The following LRRC72 variants were observed in gnomAD, a reference collection of about 807,000 sequenced individuals.
LRRC72 encodes the protein leucine rich repeat containing 72.
A neutral mutation model predicts 35.8 loss-of-function variants in LRRC72; 41 were observed. That is an observed-to-expected ratio of 1.15 (90% CI 0.89 to 1.49). LRRC72 has a LOEUF of 1.49. Ranked by LOEUF, LRRC72 falls within the 40% of genes most tolerant of loss-of-function variation. The probability of loss-of-function intolerance (pLI) is 0.00; values close to 1 mark genes in which losing one functional copy is unlikely to be tolerated. For missense variants in LRRC72, 389 were observed against 330.7 expected (o/e 1.18, Z -1.37); for synonymous variants, 118 against 119.2 (o/e 0.99, Z 0.07).
At chr7:16,564,050 G>A (rs1782786194) in intron 5 of LRRC72, among the ~76,000 whole-genome samples, 1 of 152,188 alleles carries the variant, frequency 6.6e-6, no homozygotes, top group African/African-American at 2.4e-5. Flanking sequence ...GAAATGAAAT[G>A]AAATGGATAG....
Position 16,581,471 on chromosome 7 carries a change from C to A in LRRC72, c.846C>A (p.Leu282=). The change falls in exon 9 of 9, where the codon CTC becomes CTA. Residue 282 remains leucine (L), a synonymous_variant. Coordinates refer to ENST00000401542, the MANE Select transcript of LRRC72 (RefSeq NM_001195280.2). ...AAGGCACAGAAACAGCTCAAATGCTCACAGTTACACTGAGATAAGCCCTGG... is the reference window on the plus strand; with the variant it reads ...AAGGCACAGAAACAGCTCAAATGCTAACAGTTACACTGAGATAAGCCCTGG... The part of the protein sequence containing the change: ...EEEGTETAQM[L]TVTLR 6.5e-7 allele frequency: 1 copy of A among 1,547,416 alleles called. No homozygotes were observed. Among genetic ancestry groups the A allele is most frequent in the Non-Finnish European group, 8.7e-7 (1 of 1,145,784 alleles).
chr7:16,555,511 G>A (rs1033873669), intron 3 of LRRC72, among the ~76,000 whole-genome samples: 1 of 152,100 alleles, frequency 6.6e-6, no homozygotes, highest in African/African-American at 2.4e-5. Flanking sequence ...GGTGGCTCAC[G>A]CCTATAATCC....
chr7:16,539,208 CA>C (rs1782314104), intron 3 of LRRC72, among the ~76,000 whole-genome samples: 1 of 152,154 alleles, frequency 6.6e-6, no homozygotes, highest in African/African-American at 2.4e-5. Context: ...GAGGTGATCT[CA>C]GATGGAGATG....
chr7:16,544,813 C>A (rs1172561275), intron 3 of LRRC72, among the ~76,000 whole-genome samples: 1 of 152,142 alleles, frequency 6.6e-6, no homozygotes, highest in East Asian at 1.9e-4. Flanking sequence ...AGATGAAGAA[C>A]CTGTCTAATG....
At chr7:16,546,760 C>T (rs2128336005) in intron 3 of LRRC72, among the ~76,000 whole-genome samples, 1 of 152,206 alleles carries the variant, frequency 6.6e-6, no homozygotes, top group Non-Finnish European at 1.5e-5. Context: ...GGCTTGTCCC[C>T]AGTGCTGTTC....
At chr7:16,576,017 G>C (rs892622337) in intron 7 of LRRC72, among the ~76,000 whole-genome samples, 2 of 152,122 alleles carry the variant, frequency 1.3e-5, no homozygotes, top group Non-Finnish European at 2.9e-5. Context: ...ATCAGGAGCA[G>C]AAAAGATAGG....
At chr7:16,566,493 C>A in intron 6 of LRRC72, 91 bp downstream of exon 6, 1 of 669,436 alleles carries the variant, frequency 1.5e-6, no homozygotes, top group Non-Finnish European at 2.3e-6. Flanking sequence ...GAAAATATGT[C>A]TTTGTAAAAA....
chr7:16,541,856 A>G (rs1385380794), intron 3 of LRRC72, among the ~76,000 whole-genome samples: 1 of 152,236 alleles, frequency 6.6e-6, no homozygotes, highest in African/African-American at 2.4e-5. Context: ...GGTTGCAGTG[A>G]GCCGAGATTG....
chr7:16,573,682 A>G (rs2128339022), intron 7 of LRRC72, among the ~76,000 whole-genome samples: 1 of 152,334 alleles, frequency 6.6e-6, no homozygotes, highest in South Asian at 2.1e-4. Context: ...TAAATGTGAG[A>G]CCTAAAACCA....
chr7:16,553,015 T>C (rs1782582619), intron 3 of LRRC72, among the ~76,000 whole-genome samples: 1 of 152,198 alleles, frequency 6.6e-6, no homozygotes, highest in Non-Finnish European at 1.5e-5. Flanking sequence ...ATAGTAAAGA[T>C]TAGTAAGGCT....
At chr7:16,554,873 C>G (rs2071724021) in intron 3 of LRRC72, among the ~76,000 whole-genome samples, 1 of 152,192 alleles carries the variant, frequency 6.6e-6, no homozygotes, top group Non-Finnish European at 1.5e-5. Flanking sequence ...ATTAAAGTCT[C>G]AGCTAATGAG....
chr7:16,556,706 G>A (rs187840423), intron 3 of LRRC72, among the ~76,000 whole-genome samples: 1 of 152,302 alleles, frequency 6.6e-6, no homozygotes, highest in East Asian at 1.9e-4. Context: ...GCAGGTAGAA[G>A]TTTAGAGAAA....
intron 3 of LRRC72, among the ~76,000 whole-genome samples, chr7:16,556,364 A>G (rs778073759): frequency 4.6e-5 from 7 of 152,198 alleles, no homozygotes; most frequent in Non-Finnish European, 1.0e-4. Flanking sequence ...CAAGTGATTA[A>G]CTGTACAAGT....
chr7:16,547,981 T>C (rs1027907967), intron 3 of LRRC72, among the ~76,000 whole-genome samples: 1 of 152,212 alleles, frequency 6.6e-6, no homozygotes, highest in African/African-American at 2.4e-5. Context: ...TTGTGGTACC[T>C]TTTCTGGGCC....
chr7:16,560,858 T>C (rs965861924), intron 5 of LRRC72, among the ~76,000 whole-genome samples: 7 of 152,158 alleles, frequency 4.6e-5, no homozygotes, highest in Admixed American at 1.3e-4. Context: ...TAAAACGATA[T>C]TTTAAATAAT....
intron 1 of LRRC72, among the ~76,000 whole-genome samples, chr7:16,529,607 T>A (rs1441548438): frequency 6.6e-6 from 1 of 152,196 alleles, no homozygotes; most frequent in East Asian, 1.9e-4. Context: ...TTCACTGAAA[T>A]GTGAATTGGA....
chr7:16,558,785 G>T, intron 4 of LRRC72, 104 bp from the exon 5 acceptor site: 1 of 487,042 alleles, frequency 2.1e-6, no homozygotes, highest in Non-Finnish European at 3.4e-6. Context: ...TTCCTTTTTA[G>T]TTAGCATGTT....
chr7:16,563,554 G>A (rs1321659917), intron 5 of LRRC72, among the ~76,000 whole-genome samples: 1 of 152,266 alleles, frequency 6.6e-6, no homozygotes, highest in East Asian at 1.9e-4. Flanking sequence ...AAAAGAATGT[G>A]CCCATACATC....
chr7:16,541,214 A>T (rs1469164057), intron 3 of LRRC72, among the ~76,000 whole-genome samples: 1 of 152,214 alleles, frequency 6.6e-6, no homozygotes, highest in Admixed American at 6.5e-5. Context: ...TCAAAAATTC[A>T]TCTTCCGACA....
Sources: gnomAD v4.1 joint callset for allele counts (sites outside exome capture counted in the v4.1 genomes callset) on GRCh38, gnomAD v4.1.1 for gene constraint, MANE v1.5 for transcripts, NCBI Gene and HGNC (gene_info 2026-07-23, HGNC 2026-07-21) for gene names.